GPR132: variants seen among roughly 807,000 people sequenced by gnomAD.
The protein encoded by GPR132 is probable G protein-coupled receptor 132.
Under a neutral mutation model 1.9 loss-of-function variants are expected in GPR132, and 4 were observed. The observed-to-expected ratio is 2.13, with a 90% confidence interval of 1.05 to 4.87. The LOEUF is 4.87. GPR132 is among the 30% of genes most tolerant of loss of function. The probability of loss-of-function intolerance (pLI) is 0.01; values close to 1 mark genes in which losing one functional copy is unlikely to be tolerated. For synonymous variants in GPR132, 233 were observed against 234.2 expected, an observed-to-expected ratio of 0.99 and a Z score of 0.05; for missense variants, 404 against 512.5, an observed-to-expected ratio of 0.79 and a Z score of 2.04.
At chr14:105,062,540 C>CTT (rs59869492) in intron 1 of GPR132, among the ~76,000 whole-genome samples, 44 of 128,662 alleles carry the variant, frequency 3.4e-4, no homozygotes, top group Admixed American at 7.1e-4. Context: ...CTTTTCTTTT[C>CTT]TTTTTTTTTT....
rs768240237 is a variant in GPR132, at chr14:105,055,358, T to C, written c.34+29A>G. On this transcript the variant is annotated intron_variant, in intron 3 of 3. Transcript: ENST00000329797. This position sits in a 1 kb window ranked among gnomAD's most constrained non-coding sequence, Gnocchi z 4.7. The stretch of plus-strand genomic sequence containing the variant: ...AAAAAATTGAAAAAGTGGAAAATTG[T>C]GGCAAAATACACATAACAAGGAATT... The C allele has an allele frequency of 1.3e-5, 10 of 780,724 alleles. No homozygotes were observed. The highest frequency in any genetic ancestry group is 2.4e-5 in the East Asian group (1 of 41,262). 48.4% of individuals were successfully genotyped at this position (780,724 alleles called of 1,614,324 possible). A position where few individuals can be genotyped will look rare whatever the true frequency, so the allele number is the denominator to read the frequency against.
At chr14:105,057,779 C>T (rs891269632) in intron 1 of GPR132, among the ~76,000 whole-genome samples, 2 of 151,536 alleles carry the variant, frequency 1.3e-5, no homozygotes, top group Admixed American at 6.6e-5. Flanking sequence ...ACCTCCGCCT[C>T]CTGGGTTCAA....
Position 105,062,516 on chromosome 14 carries a change from CT to C in GPR132, c.-861+2862del, listed in dbSNP as rs1886970373. 2.7e-5 allele frequency among the ~76,000 whole-genome samples: 4 copies of C among 147,484 alleles called. No homozygotes were observed. In the Middle Eastern group the frequency reaches 0.014, roughly 505 times the overall value. On this transcript the variant is annotated intron_variant, in intron 1 of 3. Coordinates refer to ENST00000329797, the MANE Select transcript of GPR132 (RefSeq NM_013345.4). ...CTTTTGCCTTTTTTGCCTTTTCTTTCTTTTCTTTCTTTTCTTTTCTTTTCTT... is the reference window on the plus strand; with the variant it reads ...CTTTTGCCTTTTTTGCCTTTTCTTTCTTTCTTTCTTTTCTTTTCTTTTCTT...
intron 3 of GPR132, among the ~76,000 whole-genome samples, chr14:105,052,312 A>G (rs570338805): frequency 1.1e-4 from 16 of 152,308 alleles, no homozygotes; most frequent in African/African-American, 3.8e-4. Context: ...CAGGCTGGGC[A>G]ATACTGAATC....
In GPR132 at chr14:105,056,491, G is replaced by T. The variant is rs571292485; in HGVS notation, c.-746-325C>A. On this transcript the variant is annotated intron_variant, in intron 2 of 3. Coordinates refer to ENST00000329797, the MANE Select transcript of GPR132 (RefSeq NM_013345.4). This position sits in a 1 kb window ranked among gnomAD's most constrained non-coding sequence, Gnocchi z 6.0. ...ACAAGGGGAGATGCAGGCAAGACCCGGGGTGGCCAGAGGGGTCCCTCCCAC... is the reference window on the plus strand; with the variant it reads ...ACAAGGGGAGATGCAGGCAAGACCCTGGGTGGCCAGAGGGGTCCCTCCCAC... Among the ~76,000 whole-genome samples, 2 of 152,174 alleles carry T rather than the reference G, an allele frequency of 1.3e-5. No homozygotes were observed. The highest frequency in any genetic ancestry group is 2.9e-5 in the Non-Finnish European group (2 of 68,026).
chr14:105,050,898 G>A lies in GPR132; in HGVS notation c.*96C>T. On this transcript the variant is annotated 3_prime_UTR_variant, in exon 4 of 4. Transcript: ENST00000329797. The surrounding 1 kb of genome is among the most constrained non-coding windows in gnomAD (Gnocchi z 4.0). ...GAAATTGGTAGTTTGTCTTCCAGAG[G>A]GGACATGGGCACTGTGGCTGGTGGG... 8.9e-7 allele frequency: 1 copy of A among 1,129,686 alleles called. No homozygotes were observed. The highest frequency in any genetic ancestry group is 1.3e-6 in the Non-Finnish European group (1 of 784,296). The allele number at this position is 1,129,686 out of a possible 1,614,324, so 70.0% of individuals were successfully genotyped here.
chr14:105,051,669 C>CCGG lies in GPR132; in HGVS notation c.465_467dup (p.Arg157dup), dbSNP rs1886647786. 4 of 1,613,718 alleles carry CCGG rather than the reference C, an allele frequency of 2.5e-6. No homozygotes were observed. The highest frequency in any genetic ancestry group is 2.7e-5 in the African/African-American group (2 of 75,060). On this transcript the variant is annotated inframe_insertion, in exon 4 of 4. Coordinates refer to ENST00000329797, the MANE Select transcript of GPR132 (RefSeq NM_013345.4). This position sits in a 1 kb window ranked among gnomAD's most constrained non-coding sequence, Gnocchi z 8.0. ...AGGCGGAGATGAGGATGGCGGTCCT[C>CCGG]CGGCGGCGGCGGCCCCGACTCTCCA...
chr14:105,055,266 G>A lies in GPR132; in HGVS notation c.34+121C>T, dbSNP rs564744156. 17 of 749,602 alleles carry A rather than the reference G, an allele frequency of 2.3e-5. No homozygotes were observed. The highest frequency in any genetic ancestry group is 2.1e-4 in the Admixed American group (12 of 57,488). 46.4% of individuals were successfully genotyped at this position (749,602 alleles called of 1,614,324 possible). A position where few individuals can be genotyped will look rare whatever the true frequency, so the allele number is the denominator to read the frequency against. ...CCCTTGAACCTGGGAGGCAGAAGCTGCAGTGAGCCGAGATTGTGCCACTGC... is the reference window on the plus strand; with the variant it reads ...CCCTTGAACCTGGGAGGCAGAAGCTACAGTGAGCCGAGATTGTGCCACTGC... On this transcript the variant is annotated intron_variant, in intron 3 of 3. Coordinates refer to ENST00000329797, the MANE Select transcript of GPR132 (RefSeq NM_013345.4). This position sits in a 1 kb window ranked among gnomAD's most constrained non-coding sequence, Gnocchi z 4.7.
chr14:105,055,567 C>T lies in GPR132; in HGVS notation c.-147G>A, dbSNP rs74671615. 2.8e-3 allele frequency: 1,988 copies of T among 705,324 alleles called. 32 individuals carry two copies. The African/African-American group carries it at 0.032, about 11-fold the overall frequency. 43.7% of individuals were successfully genotyped at this position (705,324 alleles called of 1,614,324 possible). The stretch of plus-strand genomic sequence containing the variant: ...CACTTTGTCTCTGTGCGCTGGGCTC[C>T]CCTGTCACCTCCCCACGTGGGTGGG... On this transcript the variant is annotated 5_prime_UTR_variant, in exon 3 of 4. Coordinates refer to ENST00000329797, the MANE Select transcript of GPR132 (RefSeq NM_013345.4). This position sits in a 1 kb window ranked among gnomAD's most constrained non-coding sequence, Gnocchi z 4.7.
rs988429615 is a variant in GPR132 at position 105,060,712 on chromosome 14, G to C, written c.-860-3432C>G. Among the ~76,000 whole-genome samples the C allele has an allele frequency of 2.0e-5, 3 of 152,192 alleles. No homozygotes were observed. Among genetic ancestry groups the C allele is most frequent in the Non-Finnish European group, 4.4e-5 (3 of 68,024 alleles). ...GAGTCTGCCTCCTTCACTTTAACTG[G>C]ACCAAGGGTTCTGGAAACCCTCCCA... On this transcript the variant is annotated intron_variant, in intron 1 of 3. Coordinates refer to ENST00000329797, the MANE Select transcript of GPR132 (RefSeq NM_013345.4). This position sits in a 1 kb window ranked among gnomAD's most constrained non-coding sequence, Gnocchi z 6.3.
chr14:105,062,565 G>A lies in GPR132; in HGVS notation c.-861+2814C>T, dbSNP rs539382805. Among the ~76,000 whole-genome samples the A allele has an allele frequency of 4.8e-3, 608 of 126,422 alleles. 4 individuals carry two copies. The highest frequency in any genetic ancestry group is 8.4e-3 in the Non-Finnish European group (514 of 61,314). The allele number at this position is 126,422 out of a possible 152,430, so 82.9% of individuals were successfully genotyped here. ...CTTTTTTTTTTTTTTTTTTGAGATG[G>A]AGTCTTGCTCTGTTGCCCAGGCTGG... On this transcript the variant is annotated intron_variant, in intron 1 of 3. Coordinates refer to ENST00000329797, the MANE Select transcript of GPR132 (RefSeq NM_013345.4).
intron 1 of GPR132, 81 bp from the exon 2 acceptor site, chr14:105,057,361 T>A (rs993806794): frequency 8.7e-6 from 5 of 572,074 alleles, no homozygotes; most frequent in African/African-American, 5.7e-5. Context: ...GGCTAGTGAG[T>A]ATTTACTAAT....
intron 1 of GPR132, among the ~76,000 whole-genome samples, chr14:105,063,121 A>C (rs1304036488): frequency 1.3e-5 from 2 of 151,948 alleles, no homozygotes; most frequent in Non-Finnish European, 2.9e-5. Context: ...AGGTTTCCCT[A>C]TGTTACCCAG....
rs1379433803 is a variant in GPR132, at chr14:105,056,407, C to T, written c.-746-241G>A. ...CAGAGGAAGTTTCGGGCCCCCTACACGGCCCCGTCTCTTTCATGACAATCA... is the reference window on the plus strand; with the variant it reads ...CAGAGGAAGTTTCGGGCCCCCTACATGGCCCCGTCTCTTTCATGACAATCA... On this transcript the variant is annotated intron_variant, in intron 2 of 3. Coordinates refer to ENST00000329797, the MANE Select transcript of GPR132 (RefSeq NM_013345.4). The surrounding 1 kb of genome is among the most constrained non-coding windows in gnomAD (Gnocchi z 6.0). Among the ~76,000 whole-genome samples, 4 of 152,204 alleles carry T rather than the reference C, an allele frequency of 2.6e-5. No homozygotes were observed. The highest frequency in any genetic ancestry group is 7.2e-5 in the African/African-American group (3 of 41,446).
chr14:105,050,943 A>G lies in GPR132; in HGVS notation c.*51T>C, dbSNP rs760490564. 1.3e-6 allele frequency: 2 copies of G among 1,556,520 alleles called. No homozygotes were observed. The highest frequency in any genetic ancestry group is 3.4e-5 in the Admixed American group (2 of 58,250). Reference sequence around the variant, plus strand: ...GGTGGGCTCAGTGCACAGGAACCACATTGCTGGCCCCAGGACCCCCAACCT... The same window carrying G: ...GGTGGGCTCAGTGCACAGGAACCACGTTGCTGGCCCCAGGACCCCCAACCT... On this transcript the variant is annotated 3_prime_UTR_variant, in exon 4 of 4. Transcript: ENST00000329797. The surrounding 1 kb of genome is among the most constrained non-coding windows in gnomAD (Gnocchi z 4.0).
rs941927248 is a variant in GPR132 at position 105,050,850 on chromosome 14, G to A, written c.*144C>T. The A allele has an allele frequency of 3.4e-5, 26 of 755,316 alleles. No homozygotes were observed. The Middle Eastern group carries it at 1.1e-3, about 33-fold the overall frequency. The allele number at this position is 755,316 out of a possible 1,614,324, so 46.8% of individuals were successfully genotyped here. A position where few individuals can be genotyped will look rare whatever the true frequency, so the allele number is the denominator to read the frequency against. On this transcript the variant is annotated 3_prime_UTR_variant, in exon 4 of 4. Transcript: ENST00000329797. This position sits in a 1 kb window ranked among gnomAD's most constrained non-coding sequence, Gnocchi z 4.0. ...GGGAAAGCCTGGGGCCAGTGGTCAC[G>A]GAGGGAGTGGCTTCAGGAACGAGAA...
At position 105,054,413 on chromosome 14, in the gene GPR132, C is replaced by A. The variant is rs932232066; in HGVS notation, c.34+974G>T. ...GGTCAGCCCTGCGGCCCCATTGTGT[C>A]GCTCTTTTTTTTTCTTTTTTTTTTT... is the stretch of plus-strand genomic sequence containing the variant. On this transcript the variant is annotated intron_variant, in intron 3 of 3. Coordinates refer to ENST00000329797, the MANE Select transcript of GPR132 (RefSeq NM_013345.4). The A allele has an allele frequency of 1.8e-5, 18 of 978,762 alleles. No individual in the cohort carries two copies. The East Asian group carries it at 2.0e-3, about 108-fold the overall frequency. The allele number at this position is 978,762 out of a possible 1,614,324, so 60.6% of individuals were successfully genotyped here.
intron 1 of GPR132, among the ~76,000 whole-genome samples, chr14:105,064,872 T>A (rs531431691): frequency 6.6e-6 from 1 of 152,088 alleles, no homozygotes; most frequent in South Asian, 2.1e-4. Context: ...CAGGATCTTG[T>A]CACGTGACTG....
At chr14:105,054,201 G>C (rs1051819932) in intron 3 of GPR132, 6 of 1,225,340 alleles carry the variant, frequency 4.9e-6, no homozygotes, top group Non-Finnish European at 5.2e-6. Context: ...AACTTATTGG[G>C]CCACAGCAGC....
Sources: allele counts gnomAD v4.1 joint callset (sites outside exome capture counted in the v4.1 genomes callset), GRCh38; gene constraint gnomAD v4.1.1; non-coding constraint Gnocchi (gnomAD v3.1); transcripts MANE v1.5; gene names NCBI Gene and HGNC (gene_info 2026-07-23, HGNC 2026-07-21).